Variants in ADAMTS20 observed in about 807,000 individuals in gnomAD.
The protein encoded by ADAMTS20 is A disintegrin and metalloproteinase with thrombospondin motifs 20.
Under a neutral mutation model 260.1 loss-of-function variants are expected in ADAMTS20, and 225 were observed. That is an observed-to-expected ratio of 0.87 (90% CI 0.78 to 0.97). ADAMTS20 has a LOEUF of 0.97. Ranked by LOEUF, ADAMTS20 falls within the 50% of genes least tolerant of loss-of-function variation. The probability of loss-of-function intolerance (pLI) is 0.00; values close to 1 mark genes in which losing one functional copy is unlikely to be tolerated. For missense variants in ADAMTS20, 2,400 were observed against 2,337.7 expected (o/e 1.03, Z -0.55); for synonymous variants, 802 against 769.5 (o/e 1.04, Z -0.70).
At chr12:43,529,794 A>G (rs2137499823) in intron 3 of ADAMTS20, among the ~76,000 whole-genome samples, 1 of 152,300 alleles carries the variant, frequency 6.6e-6, no homozygotes, top group South Asian at 2.1e-4. Flanking sequence ...TAGTACTCCA[A>G]AAGCTATTAA....
At chr12:43,492,819 A>T (rs532181074) in intron 5 of ADAMTS20, among the ~76,000 whole-genome samples, 190 bp from the exon 6 acceptor site, 2 of 152,230 alleles carry the variant, frequency 1.3e-5, no homozygotes, top group African/African-American at 4.8e-5. Context: ...TCAAAACTGA[A>T]TCTAATTAGA....
Position 43,532,054 on chromosome 12 carries a change from T to C in ADAMTS20, c.595A>G (p.Lys199Glu). The C allele has an allele frequency of 6.2e-7, 1 of 1,601,572 alleles. No individual in the cohort carries two copies. The highest frequency in any genetic ancestry group is 1.7e-5 in the Admixed American group (1 of 58,812). Residue 199 changes from lysine (K) to glutamate (E), a missense_variant, in exon 3 of 39, where the codon AAG becomes GAG. Transcript: ENST00000389420. ...DLNNSFLQTL[K>E]YCSVSESQIK... The stretch of plus-strand genomic sequence containing the variant: ...AGTTTACCTGACACACTGCAATACT[T>C]CAGAGTCTGCAGAAAAGAGTTATTT...
intron 28 of ADAMTS20, among the ~76,000 whole-genome samples, chr12:43,416,724 G>A (rs867282265): frequency 1.6e-4 from 25 of 151,740 alleles, no homozygotes; most frequent in South Asian, 6.3e-4. Context: ...GGGTTTCACC[G>A]TGTTAGCCAG....
At chr12:43,479,849 A>G (rs1942415331) in intron 7 of ADAMTS20, among the ~76,000 whole-genome samples, 1 of 152,154 alleles carries the variant, frequency 6.6e-6, no homozygotes, top group African/African-American at 2.4e-5. Context: ...TGAAATAAAA[A>G]TAAGACACAA....
chr12:43,437,687 C>G (rs529442536), intron 18 of ADAMTS20, among the ~76,000 whole-genome samples: 2 of 152,038 alleles, frequency 1.3e-5, no homozygotes, highest in African/African-American at 2.4e-5. Context: ...ATTCTCTTCT[C>G]AAGAAAATAC....
intron 28 of ADAMTS20, among the ~76,000 whole-genome samples, chr12:43,421,353 T>A (rs1187163217): frequency 4.1e-5 from 6 of 146,016 alleles, no homozygotes; most frequent in Non-Finnish European, 9.0e-5. Flanking sequence ...AGGAAAAAAA[T>A]ATATATTCTC....
At chr12:43,459,168 GC>G (rs1235511440) in intron 11 of ADAMTS20, among the ~76,000 whole-genome samples, 1 of 152,104 alleles carries the variant, frequency 6.6e-6, no homozygotes, top group Non-Finnish European at 1.5e-5. Flanking sequence ...TTCACTTGCC[GC>G]CTACCACTGC....
intron 2 of ADAMTS20, among the ~76,000 whole-genome samples, chr12:43,535,679 A>AAAGATACAT (rs1191113377): frequency 2.0e-5 from 3 of 152,210 alleles, no homozygotes; most frequent in Admixed American, 2.0e-4. Flanking sequence ...GGTGCTAATA[A>AAAGATACAT]AAGATACATA....
chr12:43,493,128 C>G (rs1942628923), intron 5 of ADAMTS20, 42 bp downstream of exon 5: 2 of 1,349,834 alleles, frequency 1.5e-6, no homozygotes, highest in Non-Finnish European at 2.1e-6. Flanking sequence ...TCACTAAAAA[C>G]TTACTACAAC....
chr12:43,368,185 T>C (rs1940028534), intron 37 of ADAMTS20, among the ~76,000 whole-genome samples: 1 of 152,100 alleles, frequency 6.6e-6, no homozygotes, highest in African/African-American at 2.4e-5. Context: ...AAAATAACTG[T>C]AATGTTCCAG....
rs1417132313 is a variant in ADAMTS20 at position 43,494,850 on chromosome 12, T to C, written c.868-1597A>G. ...TACTTTGATCCTGTGAGTTTAAAAG[T>C]GGATGCTTTTCTAAGTCAAATTACA... On this transcript the variant is annotated intron_variant, in intron 4 of 38. Transcript: ENST00000389420. 2.6e-5 allele frequency among the ~76,000 whole-genome samples: 4 copies of C among 152,176 alleles called. No homozygotes were observed. In the East Asian group the frequency reaches 5.8e-4, roughly 22 times the overall value.
chr12:43,499,952 C>G (rs553279295), intron 4 of ADAMTS20, among the ~76,000 whole-genome samples: 1 of 152,022 alleles, frequency 6.6e-6, no homozygotes, highest in Admixed American at 6.6e-5. Context: ...CAATAGTTAT[C>G]TGTCATTTAC....
At chr12:43,361,807 TTAAGG>T (rs1241748262) in intron 37 of ADAMTS20, among the ~76,000 whole-genome samples, 2 of 152,238 alleles carry the variant, frequency 1.3e-5, no homozygotes, top group African/African-American at 2.4e-5. Context: ...TGGACTTATG[TTAAGG>T]TATTTCCTAT....
At chr12:43,400,050 G>T (rs1445702428) in intron 28 of ADAMTS20, among the ~76,000 whole-genome samples, 1 of 151,954 alleles carries the variant, frequency 6.6e-6, no homozygotes, top group East Asian at 1.9e-4. Flanking sequence ...TTACAAACTT[G>T]TTATGAAGAT....
At chr12:43,382,456 T>G (rs1940374534) in intron 31 of ADAMTS20, among the ~76,000 whole-genome samples, 1 of 152,062 alleles carries the variant, frequency 6.6e-6, no homozygotes, top group African/African-American at 2.4e-5. Context: ...AGAAAGCAGA[T>G]TAGTGGTTGT....
chr12:43,377,521 T>C lies in ADAMTS20; in HGVS notation c.4839A>G (p.Thr1613=). 6 of 1,613,464 alleles carry C rather than the reference T, an allele frequency of 3.7e-6. No homozygotes were observed. Among genetic ancestry groups the C allele is most frequent in the Non-Finnish European group, 5.1e-6 (6 of 1,179,578 alleles). ...TAGTAGATGGGATCTCGGTGCAATA[T>C]GTAATCCTTTGTCTGTAACTAAATC... ...NCGFSYRQRI[T]YCTEIPSTKK... Residue 1613 remains threonine (T), a synonymous_variant, in exon 32 of 39, where the codon ACA becomes ACG. Coordinates refer to ENST00000389420, the MANE Select transcript of ADAMTS20 (RefSeq NM_025003.5).
At chr12:43,372,368 G>A (rs1457378535) in intron 36 of ADAMTS20, among the ~76,000 whole-genome samples, 1 of 152,182 alleles carries the variant, frequency 6.6e-6, no homozygotes, top group African/African-American at 2.4e-5. Context: ...ATGTAAGATG[G>A]AAAACAAGAC....
chr12:43,448,911 A>C (rs1329966137), intron 14 of ADAMTS20, among the ~76,000 whole-genome samples: 1 of 152,200 alleles, frequency 6.6e-6, no homozygotes, highest in East Asian at 1.9e-4. Flanking sequence ...ATCATTAGAG[A>C]AATGCAAATC....
At position 43,376,233 on chromosome 12, in the gene ADAMTS20, T is replaced by C. The variant is rs577453528; in HGVS notation, c.5220+3A>G. 1.3e-6 allele frequency: 2 copies of C among 1,540,344 alleles called. No individual in the cohort carries two copies. Among genetic ancestry groups the C allele is most frequent in the South Asian group, 2.4e-5 (2 of 82,084 alleles). On this transcript the variant is annotated splice_donor_region_variant and intron_variant, in intron 34 of 38. Transcript: ENST00000389420. ...AATAAAAAAGGAACTGTTTTCATAA[T>C]ACCTTTATTATTCTTCCCTTAATGT...
Sources: gnomAD v4.1 joint callset for allele counts (sites outside exome capture counted in the v4.1 genomes callset) on GRCh38, gnomAD v4.1.1 for gene constraint, MANE v1.5 for transcripts, NCBI Gene and HGNC (gene_info 2026-07-23, HGNC 2026-07-21) for gene names.